AP1G1: variants seen among roughly 807,000 people sequenced by gnomAD.
AP1G1 encodes AP-1 complex subunit gamma-1.
A neutral mutation model predicts 108.3 loss-of-function variants in AP1G1; 7 were observed. The ratio of observed to expected loss-of-function variants is 0.06; its 90% CI spans 0.04 to 0.12. The LOEUF is 0.12. Ranked by LOEUF, AP1G1 falls within the 10% of genes least tolerant of loss-of-function variation. The pLI is 1.00. For missense variants in AP1G1, 756 were observed against 1,010.7 expected, an observed-to-expected ratio of 0.75 and a Z score of 3.42; for synonymous variants, 379 against 353.5, an observed-to-expected ratio of 1.07 and a Z score of -0.81.
At position 71,760,230 on chromosome 16, in the gene AP1G1, C is replaced by CT. The variant is rs58466690; in HGVS notation, c.974+1281dup. ...GGTGCCACAATAATTATTTCCACAT[C>CT]TTTTTTTTTTTTTTTTTGAAACAGG... On this transcript the variant is annotated intron_variant, in intron 10 of 22. Transcript: ENST00000299980. Among the ~76,000 whole-genome samples the CT allele has an allele frequency of 7.0e-3, 907 of 129,950 alleles. 14 individuals carry two copies. The highest frequency in any genetic ancestry group is 0.022 in the African/African-American group (790 of 35,294). The allele number at this position is 129,950 out of a possible 152,430, so 85.3% of individuals were successfully genotyped here. A position where few individuals can be genotyped will look rare whatever the true frequency, so the allele number is the denominator to read the frequency against.
chr16:71,808,364 G>C (rs2033071601), intron 1 of AP1G1: 1 of 851,252 alleles, frequency 1.2e-6, no homozygotes, highest in Non-Finnish European at 1.6e-6. Flanking sequence ...GACCTGACAC[G>C]GGTACAAGAC....
At position 71,789,264 on chromosome 16, in the gene AP1G1, C is replaced by G. The variant is rs372886334; in HGVS notation, c.201+15G>C. The stretch of plus-strand genomic sequence containing the variant: ...AAAGAATACCCTTGCTACATGTAGT[C>G]TCAGCCCAGCCTACCTGTCCAAAGT... On this transcript the variant is annotated intron_variant, in intron 2 of 22. Transcript: ENST00000299980. 3.7e-6 allele frequency: 6 copies of G among 1,609,466 alleles called. No individual in the cohort carries two copies. The highest frequency in any genetic ancestry group is 1.7e-5 in the Admixed American group (1 of 59,226).
chr16:71,807,498 T>C (rs2142296007), intron 1 of AP1G1, among the ~76,000 whole-genome samples: 1 of 152,306 alleles, frequency 6.6e-6, no homozygotes, highest in Non-Finnish European at 1.5e-5. Flanking sequence ...AACATGCCTT[T>C]AGAATAAAAG....
chr16:71,761,886 G>C (rs1325694987), intron 9 of AP1G1, among the ~76,000 whole-genome samples: 1 of 150,160 alleles, frequency 6.7e-6, no homozygotes, highest in Non-Finnish European at 1.5e-5. Flanking sequence ...CTAAAGGTAA[G>C]TGCTGGAAGG....
chr16:71,745,321 T>C (rs1372619057), intron 18 of AP1G1, 51 bp from the exon 19 acceptor site: 5 of 1,608,960 alleles, frequency 3.1e-6, no homozygotes, highest in Non-Finnish European at 4.2e-6. Context: ...TTGTCTAGTA[T>C]ACATCTAATG....
rs1236153750 is a variant in AP1G1 at position 71,758,883 on chromosome 16, G to T, written c.1013C>A (p.Thr338Lys). Residue 338 changes from threonine to lysine, a missense_variant, in exon 11 of 23, where the codon ACA becomes AAA. This residue lies in a region of AP1G1 where 304 missense variants were observed against 483.6 expected (regional missense o/e 0.63). Transcript: ENST00000299980. Reference protein sequence around the residue: ...ALTSLLKTVQTDHNAVQRHRS... With the variant: ...ALTSLLKTVQKDHNAVQRHRS... ...GTGCCTCTGTACTGCATTATGATCTGTCTGTACAGTCTTCAACAAAGATGT... is the reference window on the plus strand; with the variant it reads ...GTGCCTCTGTACTGCATTATGATCTTTCTGTACAGTCTTCAACAAAGATGT... 4 of 1,607,404 alleles carry T rather than the reference G, an allele frequency of 2.5e-6. No individual in the cohort carries two copies. The highest frequency in any genetic ancestry group is 3.4e-6 in the Non-Finnish European group (4 of 1,178,166).
At chr16:71,757,507 C>CA (rs1006542598) in intron 11 of AP1G1, among the ~76,000 whole-genome samples, 9 of 151,786 alleles carry the variant, frequency 5.9e-5, no homozygotes, top group East Asian at 5.8e-4. Context: ...ATGTAAGTAG[C>CA]AAAAAATTCA....
intron 1 of AP1G1, among the ~76,000 whole-genome samples, chr16:71,806,047 G>T (rs2032988878): frequency 6.6e-6 from 1 of 150,890 alleles, no homozygotes; most frequent in Non-Finnish European, 1.5e-5. Flanking sequence ...AAAAAAAAAA[G>T]AGTTTTTATA....
At chr16:71,752,991 A>G (rs888375325) in intron 13 of AP1G1, among the ~76,000 whole-genome samples, 2 of 152,184 alleles carry the variant, frequency 1.3e-5, no homozygotes, top group East Asian at 1.9e-4. Context: ...ATATGCTGTC[A>G]TAAGTTAATG....
In AP1G1 at chr16:71,792,704, A is replaced by C. The variant is rs144513157; in HGVS notation, c.-3-3222T>G. Among the ~76,000 whole-genome samples the C allele has an allele frequency of 3.5e-4, 54 of 152,260 alleles. 1 individual carries two copies. In the East Asian group the frequency reaches 9.8e-3, roughly 28 times the overall value. On this transcript the variant is annotated intron_variant, in intron 1 of 22. Coordinates refer to ENST00000299980, the MANE Select transcript of AP1G1 (RefSeq NM_001128.6). ...CCCCGTCTCTACTAAAGATACAAAA[A>C]ATAGCCAGGCGTGGTGGCGCACACC... is the stretch of plus-strand genomic sequence containing the variant.
rs373155436 is a variant in AP1G1, at chr16:71,757,248, C to T, written c.1089-1089G>A. Among the ~76,000 whole-genome samples the T allele has an allele frequency of 2.2e-4, 34 of 152,038 alleles. No homozygotes were observed. The East Asian group carries it at 4.5e-3, about 20-fold the overall frequency. On this transcript the variant is annotated intron_variant, in intron 11 of 22. Coordinates refer to ENST00000299980, the MANE Select transcript of AP1G1 (RefSeq NM_001128.6). ...GGCAGATCACCTGAGGTCAGGAGTTCGAGACCAACCTAGCCAATACGGCAA... is the reference window on the plus strand; with the variant it reads ...GGCAGATCACCTGAGGTCAGGAGTTTGAGACCAACCTAGCCAATACGGCAA...
At chr16:71,758,232 A>G (rs915605862) in intron 11 of AP1G1, among the ~76,000 whole-genome samples, 2 of 152,228 alleles carry the variant, frequency 1.3e-5, no homozygotes, top group African/African-American at 4.8e-5. Context: ...AGTTCTACAT[A>G]TTCTACAAAC....
chr16:71,791,511 T>G (rs2032397810), intron 1 of AP1G1, among the ~76,000 whole-genome samples: 1 of 151,974 alleles, frequency 6.6e-6, no homozygotes. Flanking sequence ...AGGGAAACGC[T>G]GTCTCTACAA....
chr16:71,749,863 C>T (rs375818819), intron 15 of AP1G1, 31 bp downstream of exon 15: 1 of 1,533,068 alleles, frequency 6.5e-7, no homozygotes, highest in Non-Finnish European at 9.0e-7. Context: ...CCACTATTTT[C>T]CCCCACTTAA....
At chr16:71,768,187 T>C (rs2031393291) in intron 6 of AP1G1, among the ~76,000 whole-genome samples, 1 of 92,586 alleles carries the variant, frequency 1.1e-5, no homozygotes, top group East Asian at 3.2e-4. Context: ...TTTAAAATAC[T>C]AGTTTAAAAA....
At chr16:71,763,915 T>C (rs1035757807) in intron 9 of AP1G1, among the ~76,000 whole-genome samples, 1 of 152,190 alleles carries the variant, frequency 6.6e-6, no homozygotes, top group Non-Finnish European at 1.5e-5. Flanking sequence ...GAATACATCT[T>C]AATAATTGTT....
intron 1 of AP1G1, among the ~76,000 whole-genome samples, chr16:71,796,366 C>G (rs775188202): frequency 6.6e-6 from 1 of 152,162 alleles, no homozygotes; most frequent in Non-Finnish European, 1.5e-5. Context: ...ACAAAACACT[C>G]AAGACCAACT....
intron 1 of AP1G1, chr16:71,808,176 C>T: frequency 9.0e-7 from 1 of 1,109,706 alleles, no homozygotes; most frequent in Non-Finnish European, 1.1e-6. Flanking sequence ...ACAGTATACT[C>T]GCAGGTAGGT....
intron 3 of AP1G1, chr16:71,774,231 A>T: frequency 2.3e-6 from 1 of 425,582 alleles, no homozygotes; most frequent in South Asian, 3.0e-5. Context: ...TACAAAAATT[A>T]GCCAGGCGTG....
Sources: allele counts gnomAD v4.1 joint callset (sites outside exome capture counted in the v4.1 genomes callset), GRCh38; gene constraint gnomAD v4.1.1; regional missense constraint gnomAD v4.1.1; transcripts MANE v1.5; gene names NCBI Gene and HGNC (gene_info 2026-07-23, HGNC 2026-07-21).